The following DOK6 variants were observed in gnomAD, a reference collection of about 807,000 sequenced individuals.
DOK6 encodes the protein docking protein 6.
In DOK6, 22 loss-of-function variants were observed where a neutral mutation model predicts 44.0. That is an observed-to-expected ratio of 0.50 (90% CI 0.36 to 0.71). The LOEUF is 0.71. DOK6 is among the 30% of genes least tolerant of loss of function. The probability of loss-of-function intolerance (pLI) is 0.00; values close to 1 mark genes in which losing one functional copy is unlikely to be tolerated. For missense variants in DOK6, 340 were observed against 416.4 expected (o/e 0.82, Z 1.60); for synonymous variants, 166 against 145.5 (o/e 1.14, Z -1.01).
chr18:69,528,162 CAAAA>C (rs1555710307), intron 1 of DOK6, among the ~76,000 whole-genome samples: 3 of 70,724 alleles, frequency 4.2e-5, no homozygotes, highest in Admixed American at 1.4e-4. Flanking sequence ...GACTCTGTCT[CAAAA>C]AAAAAAAAAA....
Position 69,659,884 on chromosome 18 carries a change from TTA to T in DOK6, c.290-17841_290-17840del, listed in dbSNP as rs914536246. Reference sequence around the variant, plus strand: ...TATATATAAAACATATATGTATGTTTTATATATATAACATATATGTATGTTTT... The same window carrying T: ...TATATATAAAACATATATGTATGTTTTATATATAACATATATGTATGTTTT... On this transcript the variant is annotated intron_variant, in intron 3 of 7. Coordinates refer to ENST00000382713, the MANE Select transcript of DOK6 (RefSeq NM_152721.6). 2.6e-4 allele frequency: 29 copies of T among 113,620 alleles called. 4 individuals are homozygous for T. The highest frequency in any genetic ancestry group is 7.7e-4 in the African/African-American group (26 of 33,916). The allele number at this position is 113,620 out of a possible 1,614,324, so 7.0% of individuals were successfully genotyped here. A position where few individuals can be genotyped will look rare whatever the true frequency, so the allele number is the denominator to read the frequency against.
chr18:69,543,208 G>A (rs953258117), intron 1 of DOK6, among the ~76,000 whole-genome samples: 1 of 151,410 alleles, frequency 6.6e-6, no homozygotes, highest in African/African-American at 2.4e-5. Context: ...TGGGCTTTCA[G>A]ACATGAAAAA....
intron 3 of DOK6, among the ~76,000 whole-genome samples, chr18:69,614,547 TG>T (rs1469261789): frequency 5.3e-5 from 1 of 19,028 alleles, no homozygotes; most frequent in East Asian, 2.9e-3. Context: ...TTTTTCTTTG[TG>T]TGTGTGTGTG....
intron 1 of DOK6, among the ~76,000 whole-genome samples, chr18:69,539,412 A>G (rs887098867): frequency 2.0e-5 from 3 of 151,288 alleles, no homozygotes; most frequent in African/African-American, 7.3e-5. Context: ...TTTTGTGAAG[A>G]TAAAAAAAAG....
chr18:69,402,625 C>T (rs1412236699), intron 1 of DOK6, among the ~76,000 whole-genome samples: 1 of 152,148 alleles, frequency 6.6e-6, no homozygotes, highest in Non-Finnish European at 1.5e-5. Flanking sequence ...AAGGTGCAGA[C>T]TGTACCCCAA....
chr18:69,594,897 T>C (rs1352816519), intron 2 of DOK6, among the ~76,000 whole-genome samples: 3 of 151,962 alleles, frequency 2.0e-5, no homozygotes. Context: ...TTAGATATGA[T>C]AAATTCAGTA....
chr18:69,633,793 ATG>A, intron 3 of DOK6, among the ~76,000 whole-genome samples: 1 of 152,186 alleles, frequency 6.6e-6, no homozygotes. Flanking sequence ...TAAGGAGTAT[ATG>A]TTGAAGAAAT....
intron 7 of DOK6, among the ~76,000 whole-genome samples, chr18:69,782,433 G>A (rs143600681): frequency 0.017 from 2,646 of 151,900 alleles, 67 homozygotes; most frequent in African/African-American, 0.059. Context: ...GGATGGTCTC[G>A]ATCTCCTGAC....
chr18:69,834,534 T>C (rs1981989261), intron 7 of DOK6, among the ~76,000 whole-genome samples: 2 of 152,176 alleles, frequency 1.3e-5, no homozygotes, highest in Admixed American at 1.3e-4. Flanking sequence ...AACTCCAATA[T>C]GTCCAACACA....
chr18:69,552,704 G>A (rs1294779629), intron 1 of DOK6, among the ~76,000 whole-genome samples: 1 of 152,164 alleles, frequency 6.6e-6, no homozygotes, highest in Non-Finnish European at 1.5e-5. Flanking sequence ...TGTCTGTACT[G>A]AGAGGTGAAC....
At chr18:69,778,699 T>C (rs1204141465) in intron 7 of DOK6, among the ~76,000 whole-genome samples, 1 of 152,148 alleles carries the variant, frequency 6.6e-6, no homozygotes, top group African/African-American at 2.4e-5. Flanking sequence ...ATCATCATAT[T>C]CCATAGTAGG....
At chr18:69,670,130 A>G (rs1985760367) in intron 3 of DOK6, among the ~76,000 whole-genome samples, 2 of 152,194 alleles carry the variant, frequency 1.3e-5, no homozygotes, top group Admixed American at 6.5e-5. Context: ...CCTTCCTTTC[A>G]GGAGGCTCTG....
chr18:69,703,679 T>C (rs912033292), intron 5 of DOK6, among the ~76,000 whole-genome samples: 3 of 152,202 alleles, frequency 2.0e-5, no homozygotes, highest in Non-Finnish European at 4.4e-5. Context: ...ATCTTGTGAC[T>C]CAGACATCTT....
chr18:69,561,780 G>A (rs1373184162), intron 1 of DOK6, among the ~76,000 whole-genome samples: 2 of 152,092 alleles, frequency 1.3e-5, no homozygotes, highest in Admixed American at 6.6e-5. Flanking sequence ...TTACGGATAT[G>A]CTTGGTTGTT....
chr18:69,826,881 T>A (rs934667330), intron 7 of DOK6, among the ~76,000 whole-genome samples: 2 of 152,192 alleles, frequency 1.3e-5, no homozygotes, highest in Non-Finnish European at 2.9e-5. Flanking sequence ...CCCATTCTTA[T>A]ATAGATCTGT....
At chr18:69,685,898 G>T (rs868567441) in intron 4 of DOK6, among the ~76,000 whole-genome samples, 1 of 152,112 alleles carries the variant, frequency 6.6e-6, no homozygotes, top group African/African-American at 2.4e-5. Flanking sequence ...CACTAGACAC[G>T]TGCCTATGTG....
chr18:69,820,929 G>T lies in DOK6; in HGVS notation c.857-20315G>T, dbSNP rs772851696. 8.5e-5 allele frequency among the ~76,000 whole-genome samples: 13 copies of T among 152,134 alleles called. 1 individual carries two copies. In the South Asian group the frequency reaches 2.5e-3, roughly 29 times the overall value. ...GTGGGAGAAGGGAGGGGATCGGGAA[G>T]AATAACTAATGGGTACTAGGCTTTA... On this transcript the variant is annotated intron_variant, in intron 7 of 7. Transcript: ENST00000382713.
chr18:69,805,969 T>G (rs1406048471), intron 7 of DOK6, among the ~76,000 whole-genome samples: 1 of 151,972 alleles, frequency 6.6e-6, no homozygotes, highest in African/African-American at 2.4e-5. Flanking sequence ...AGATTATGTA[T>G]GCATATGGGA....
intron 5 of DOK6, among the ~76,000 whole-genome samples, chr18:69,738,657 T>C (rs1340663333): frequency 6.6e-6 from 1 of 152,222 alleles, no homozygotes; most frequent in African/African-American, 2.4e-5. Context: ...AAACACTAAT[T>C]CATTTAAATA....
Sources: allele counts gnomAD v4.1 joint callset (sites outside exome capture counted in the v4.1 genomes callset), GRCh38; gene constraint gnomAD v4.1.1; transcripts MANE v1.5; gene names NCBI Gene and HGNC (gene_info 2026-07-23, HGNC 2026-07-21).